The following RBFOX3 variants were observed in gnomAD, a reference collection of about 807,000 sequenced individuals.
RBFOX3 encodes the protein RNA binding protein fox-1 homolog 3.
A neutral mutation model predicts 48.7 loss-of-function variants in RBFOX3; 17 were observed. The ratio of observed to expected loss-of-function variants is 0.35; its 90% confidence interval spans 0.24 to 0.52. RBFOX3 has a LOEUF of 0.52. RBFOX3 is among the 20% of genes least tolerant of loss of function. The pLI, the probability that RBFOX3 is intolerant of heterozygous loss-of-function variation, is 0.94. For missense variants in RBFOX3, 382 were observed against 497.5 expected, an observed-to-expected ratio of 0.77 and a Z score of 2.21; for synonymous variants, 212 against 209.5, an observed-to-expected ratio of 1.01 and a Z score of -0.10.
intron 4 of RBFOX3, among the ~76,000 whole-genome samples, chr17:79,164,814 G>T (rs940706907): frequency 3.3e-5 from 5 of 152,136 alleles, no homozygotes; most frequent in Non-Finnish European, 7.4e-5. Context: ...GGGAGGGCCA[G>T]GGGGAGCCAA....
At chr17:79,591,897 T>C (rs1261475251) in intron 1 of RBFOX3, among the ~76,000 whole-genome samples, 3 of 144,336 alleles carry the variant, frequency 2.1e-5, no homozygotes, top group Non-Finnish European at 3.0e-5. Context: ...GGAGGGTGTG[T>C]GGAGGGGTGT....
In RBFOX3 at chr17:79,533,392, C is replaced by A. The variant is rs146692819; in HGVS notation, c.-319-50794G>T. Reference sequence around the variant, plus strand: ...ATAGTGACATTGTCAGCGAGGGTGGCGATAAACCCACCCCTCCGTGCTCAA... The same window carrying A: ...ATAGTGACATTGTCAGCGAGGGTGGAGATAAACCCACCCCTCCGTGCTCAA... On this transcript the variant is annotated intron_variant, in intron 1 of 14. Transcript: ENST00000693108. Among the ~76,000 whole-genome samples the A allele has an allele frequency of 8.5e-5, 13 of 152,354 alleles. No individual in the cohort carries two copies. In the East Asian group the frequency reaches 2.1e-3, roughly 25 times the overall value.
In RBFOX3 at chr17:79,103,242, C is replaced by T; in HGVS notation, c.427G>A (p.Val143Ile). 1 of 1,551,006 alleles carries T rather than the reference C, an allele frequency of 6.4e-7. No homozygotes were observed. The highest frequency in any genetic ancestry group is 1.2e-5 in the South Asian group (1 of 84,054). ...NERGSKGFGF[V>I]TFETSSDADR... ...GCATCTGAGCTAGTTTCAAAAGTTA[C>T]AAACCCAAAACCCTGTGAGCAGAGG... The change falls in exon 8 of 15, where the codon GTA becomes ATA. Residue 143 changes from valine (V) to isoleucine (I), a missense_variant. Val to Ile is a conservative substitution (Grantham distance 29). Around this residue, in one of 3 missense-constraint regions of RBFOX3, gnomAD observed 49 missense variants for 110.7 expected, o/e 0.44. Coordinates refer to ENST00000693108, the MANE Select transcript of RBFOX3 (RefSeq NM_001350451.2). The surrounding 1 kb of genome is among the most constrained non-coding windows in gnomAD (Gnocchi z 6.1).
rs1287650269 is a variant in RBFOX3 at position 79,535,340 on chromosome 17, T to C, written c.-319-52742A>G. ...ATTGGCCAGATCTGGGGATCACCTA[T>C]AGGTAAGGAGAAGAGGGAGGGTGAC... is the stretch of plus-strand genomic sequence containing the variant. On this transcript the variant is annotated intron_variant, in intron 1 of 14. Transcript: ENST00000693108. The surrounding 1 kb of genome is among the most constrained non-coding windows in gnomAD (Gnocchi z 4.5). Among the ~76,000 whole-genome samples, 1 of 152,070 alleles carries C rather than the reference T, an allele frequency of 6.6e-6. No homozygotes were observed. Among genetic ancestry groups the C allele is most frequent in the Admixed American group, 6.5e-5 (1 of 15,268 alleles).
intron 2 of RBFOX3, among the ~76,000 whole-genome samples, chr17:79,404,173 T>C (rs922343190): frequency 1.3e-5 from 2 of 152,116 alleles, no homozygotes; most frequent in Admixed American, 6.5e-5. Context: ...ACACACAGAT[T>C]TGGGGGAGCC....
At chr17:79,487,471 C>A (rs1048725886) in intron 1 of RBFOX3, among the ~76,000 whole-genome samples, 1 of 152,180 alleles carries the variant, frequency 6.6e-6, no homozygotes, top group Admixed American at 6.5e-5. Context: ...GAGAGGAGAG[C>A]CTGGCCGAAT....
At chr17:79,211,231 G>A (rs1195925589) in intron 4 of RBFOX3, among the ~76,000 whole-genome samples, 1 of 152,220 alleles carries the variant, frequency 6.6e-6, no homozygotes, top group East Asian at 1.9e-4. Context: ...CTGGTGGGTG[G>A]CTGTGGCTTC....
chr17:79,095,201 G>A (rs1470638320), intron 13 of RBFOX3, among the ~76,000 whole-genome samples: 2 of 151,784 alleles, frequency 1.3e-5, no homozygotes, highest in African/African-American at 4.8e-5. Context: ...AAGCACTCAA[G>A]CGTCTGCCTC....
intron 1 of RBFOX3, among the ~76,000 whole-genome samples, chr17:79,508,069 G>A (rs1466593613): frequency 1.3e-5 from 2 of 152,218 alleles, no homozygotes; most frequent in African/African-American, 4.8e-5. Context: ...CAATGGGACC[G>A]ATTTGTAAAC....
chr17:79,272,500 G>A (rs957606828), intron 3 of RBFOX3, among the ~76,000 whole-genome samples: 6 of 152,192 alleles, frequency 3.9e-5, no homozygotes, highest in Admixed American at 2.0e-4. Context: ...ACAGGCTGCC[G>A]GCCGGCCTGG....
chr17:79,407,775 C>T (rs143236700), intron 2 of RBFOX3, among the ~76,000 whole-genome samples: 86 of 152,212 alleles, frequency 5.7e-4, no homozygotes, highest in Non-Finnish European at 1.0e-3. Context: ...GGAGTAACAC[C>T]GAGGCAAGAA....
At position 79,090,791 on chromosome 17, in the gene RBFOX3, C is replaced by CTG; in HGVS notation, c.*91_*92insCA. 7.2e-7 allele frequency: 1 copy of CTG among 1,394,690 alleles called. No individual in the cohort carries two copies. The highest frequency in any genetic ancestry group is 9.7e-7 in the Non-Finnish European group (1 of 1,035,380). The allele number at this position is 1,394,690 out of a possible 1,614,324, so 86.4% of individuals were successfully genotyped here. On this transcript the variant is annotated 3_prime_UTR_variant, in exon 15 of 15. Coordinates refer to ENST00000693108, the MANE Select transcript of RBFOX3 (RefSeq NM_001350451.2). The stretch of plus-strand genomic sequence containing the variant: ...TTGGTTTTTTTTTTGTTGCTTGGAT[C>CTG]TTAACATCTTTTTTTGTTTTTTTTG...
intron 1 of RBFOX3, among the ~76,000 whole-genome samples, chr17:79,551,951 G>A (rs908628027): frequency 3.3e-5 from 5 of 152,150 alleles, no homozygotes; most frequent in African/African-American, 1.2e-4. Flanking sequence ...AATATAATAT[G>A]CATACAAAGC....
the RBFOX3 span, among the ~76,000 whole-genome samples, chr17:79,620,316 T>C: frequency 7.6e-6 from 1 of 132,184 alleles, no homozygotes; most frequent in African/African-American, 3.0e-5. Context: ...TGCACAAATA[T>C]GTACATACAC....
Position 79,554,731 on chromosome 17 carries a change from A to G in RBFOX3, c.-320+56095T>C, listed in dbSNP as rs947883294. On this transcript the variant is annotated intron_variant, in intron 1 of 14. Coordinates refer to ENST00000693108, the MANE Select transcript of RBFOX3 (RefSeq NM_001350451.2). The stretch of plus-strand genomic sequence containing the variant: ...AATTACAGGGTGGATAGTAATTTTG[A>G]TGTAATATACAATCATTATAACTCT... Among the ~76,000 whole-genome samples the G allele has an allele frequency of 1.9e-3, 294 of 152,374 alleles. 1 individual carries two copies. The highest frequency in any genetic ancestry group is 6.8e-3 in the African/African-American group (283 of 41,582).
chr17:79,148,269 C>T (rs573284372), intron 4 of RBFOX3, among the ~76,000 whole-genome samples: 4 of 152,378 alleles, frequency 2.6e-5, no homozygotes, highest in Non-Finnish European at 4.4e-5. Flanking sequence ...TCCAGCCTCC[C>T]AAGGTCCCTT....
intron 1 of RBFOX3, among the ~76,000 whole-genome samples, chr17:79,513,274 A>G (rs1483322897): frequency 6.7e-6 from 1 of 148,958 alleles, no homozygotes; most frequent in East Asian, 2.0e-4. Context: ...CACACACCCG[A>G]ATGCATGTCA....
intron 4 of RBFOX3, among the ~76,000 whole-genome samples, chr17:79,232,902 C>T (rs1333085963): frequency 6.6e-6 from 1 of 152,202 alleles, no homozygotes. Flanking sequence ...CAATTCTCAC[C>T]CACGACTGGT....
intron 1 of RBFOX3, chr17:79,516,184 C>A (rs2085227625): frequency 6.6e-6 from 1 of 152,232 alleles, no homozygotes; most frequent in East Asian, 1.9e-4. Context: ...ATGTTCAACA[C>A]AACAAACGAA....
Sources: allele counts gnomAD v4.1 joint callset (sites outside exome capture counted in the v4.1 genomes callset), GRCh38; gene constraint gnomAD v4.1.1; regional missense constraint gnomAD v4.1.1; non-coding constraint Gnocchi (gnomAD v3.1); transcripts MANE v1.5; gene names NCBI Gene and HGNC (gene_info 2026-07-23, HGNC 2026-07-21).